The following VAT1L variants were observed in gnomAD, a reference collection of about 807,000 sequenced individuals.
The protein encoded by VAT1L is vesicle amine transport 1 like, also known as putative NADPH-dependent quinone oxidoreductase VAT1L.
VAT1L carries 34 observed loss-of-function variants against 44.1 expected under a neutral mutation model. The ratio of observed to expected loss-of-function variants is 0.77; its 90% CI spans 0.59 to 1.03. The LOEUF (loss-of-function observed/expected upper bound fraction) is 1.03. Among genes scored for constraint, VAT1L ranks in the 50% least tolerant of loss-of-function variants. The pLI, the probability that VAT1L is intolerant of heterozygous loss-of-function variation, is 0.00. For missense variants in VAT1L, 615 were observed against 538.8 expected, an observed-to-expected ratio of 1.14 and a Z score of -1.40; for synonymous variants, 253 against 202.2, an observed-to-expected ratio of 1.25 and a Z score of -2.13.
intron 3 of VAT1L, among the ~76,000 whole-genome samples, chr16:77,860,288 G>C (rs1567490290): frequency 6.6e-6 from 1 of 152,174 alleles, no homozygotes. Flanking sequence ...AACTCATTCA[G>C]AGATGGCCAC....
chr16:77,879,090 A>G lies in VAT1L; in HGVS notation c.827-79A>G. The stretch of plus-strand genomic sequence containing the variant: ...GATTTCTCCAGTTCCGGACCAAACA[A>G]TTGCCATTTTTTTCATGCATAACAA... On this transcript the variant is annotated intron_variant, in intron 5 of 8. Coordinates refer to ENST00000302536, the MANE Select transcript of VAT1L (RefSeq NM_020927.3). This position sits in a 1 kb window ranked among gnomAD's most constrained non-coding sequence, Gnocchi z 4.1. 1 of 1,472,484 alleles carries G rather than the reference A, an allele frequency of 6.8e-7. No individual in the cohort carries two copies. The highest frequency in any genetic ancestry group is 9.5e-7 in the Non-Finnish European group (1 of 1,054,488). The allele number at this position is 1,472,484 out of a possible 1,614,324, so 91.2% of individuals were successfully genotyped here. A position where few individuals can be genotyped will look rare whatever the true frequency, so the allele number is the denominator to read the frequency against.
chr16:77,826,920 T>C (rs1205437958), intron 3 of VAT1L, among the ~76,000 whole-genome samples: 1 of 152,032 alleles, frequency 6.6e-6, no homozygotes, highest in Non-Finnish European at 1.5e-5. Context: ...TCACTGGAGG[T>C]TTTGCTAGCA....
intron 3 of VAT1L, among the ~76,000 whole-genome samples, chr16:77,855,236 A>G (rs1166885406): frequency 4.0e-5 from 6 of 151,808 alleles, no homozygotes; most frequent in Non-Finnish European, 8.8e-5. Context: ...GCTACTCAGG[A>G]GGCTGAGGCA....
chr16:77,936,598 G>A (rs1341010040), intron 7 of VAT1L, among the ~76,000 whole-genome samples: 2 of 152,170 alleles, frequency 1.3e-5, no homozygotes, highest in African/African-American at 4.8e-5. Flanking sequence ...AGGAAAAAAA[G>A]GGGAAACAGA....
chr16:77,813,308 A>C (rs1334596320), intron 1 of VAT1L, among the ~76,000 whole-genome samples: 1 of 152,208 alleles, frequency 6.6e-6, no homozygotes, highest in Non-Finnish European at 1.5e-5. Context: ...CTGAAGAAAA[A>C]AAAGTAGAGT....
intron 2 of VAT1L, among the ~76,000 whole-genome samples, chr16:77,822,254 C>T (rs2016464064): frequency 6.6e-6 from 1 of 152,174 alleles, no homozygotes; most frequent in African/African-American, 2.4e-5. Context: ...CCTGCCTCAG[C>T]CTCCCAAATA....
At chr16:77,825,175 G>A in intron 2 of VAT1L, 71 bp from the exon 3 acceptor site, 24 of 1,566,204 alleles carry the variant, frequency 1.5e-5, no homozygotes, top group Non-Finnish European at 2.1e-5. Context: ...CCAGCTCCCA[G>A]TAATTCTGTT....
chr16:77,865,353 A>T (rs1386937815), intron 4 of VAT1L, among the ~76,000 whole-genome samples: 1 of 152,066 alleles, frequency 6.6e-6, no homozygotes, highest in Non-Finnish European at 1.5e-5. Flanking sequence ...TGTTTCTTTG[A>T]CTTCCTTACG....
intron 3 of VAT1L, among the ~76,000 whole-genome samples, chr16:77,838,008 A>T (rs931691818): frequency 6.6e-6 from 1 of 152,200 alleles, no homozygotes; most frequent in African/African-American, 2.4e-5. Context: ...AGCCGATCTC[A>T]TCTCCCTTGG....
chr16:77,883,582 G>A (rs778120715), intron 6 of VAT1L, among the ~76,000 whole-genome samples: 14 of 152,100 alleles, frequency 9.2e-5, no homozygotes, highest in Non-Finnish European at 1.6e-4. Flanking sequence ...TGCATCCCTG[G>A]CTTCCACCCA....
chr16:77,946,704 T>A (rs1019549411), intron 7 of VAT1L, among the ~76,000 whole-genome samples: 4 of 152,236 alleles, frequency 2.6e-5, no homozygotes, highest in African/African-American at 9.6e-5. Context: ...AAGATGTGAC[T>A]TCAATTGATT....
At chr16:77,926,735 C>T (rs76732874) in intron 7 of VAT1L, among the ~76,000 whole-genome samples, 697 of 152,302 alleles carry the variant, frequency 4.6e-3, no homozygotes, top group Non-Finnish European at 7.3e-3. Context: ...AATGACTCTT[C>T]TGAGCAAATC....
intron 3 of VAT1L, among the ~76,000 whole-genome samples, chr16:77,859,618 A>G (rs2016895645): frequency 6.6e-6 from 1 of 152,232 alleles, no homozygotes; most frequent in Non-Finnish European, 1.5e-5. Context: ...TTTTGGAAAC[A>G]GCCAGGTCAG....
intron 4 of VAT1L, among the ~76,000 whole-genome samples, chr16:77,866,636 C>T (rs545166220): frequency 6.6e-6 from 1 of 151,382 alleles, no homozygotes; most frequent in Admixed American, 6.6e-5. Context: ...GATAAAATTT[C>T]TTGAGATGAA....
At chr16:77,795,462 T>C (rs1393409802) in intron 1 of VAT1L, among the ~76,000 whole-genome samples, 2 of 152,210 alleles carry the variant, frequency 1.3e-5, no homozygotes, top group African/African-American at 2.4e-5. Context: ...TTTAATTTGC[T>C]AAAAACCAAC....
intron 7 of VAT1L, among the ~76,000 whole-genome samples, chr16:77,967,158 G>A (rs440098): frequency 0.23 from 35,095 of 151,932 alleles, 4,539 homozygotes; most frequent in South Asian, 0.32. Context: ...GAGCAGTTTG[G>A]GGTGTTGACA....
At position 77,837,846 on chromosome 16, in the gene VAT1L, A is replaced by G. The variant is rs187397616; in HGVS notation, c.579+12385A>G. ...AATGGACTTAGATGCTCCCTGGCACATAGAAAATTCAAATGTTAGCTGCTA... is the reference window on the plus strand; with the variant it reads ...AATGGACTTAGATGCTCCCTGGCACGTAGAAAATTCAAATGTTAGCTGCTA... On this transcript the variant is annotated intron_variant, in intron 3 of 8. Coordinates refer to ENST00000302536, the MANE Select transcript of VAT1L (RefSeq NM_020927.3). Among the ~76,000 whole-genome samples, 142 of 152,358 alleles carry G rather than the reference A, an allele frequency of 9.3e-4. 1 individual carries two copies. Among genetic ancestry groups the G allele is most frequent in the Non-Finnish European group, 5.1e-4 (35 of 68,030 alleles).
chr16:77,834,957 G>T (rs932611377), intron 3 of VAT1L, among the ~76,000 whole-genome samples: 3 of 152,206 alleles, frequency 2.0e-5, no homozygotes, highest in African/African-American at 7.2e-5. Context: ...ATGCTTGGGA[G>T]ACACTAAACA....
intron 7 of VAT1L, among the ~76,000 whole-genome samples, chr16:77,889,522 C>T (rs543453005): frequency 2.0e-5 from 3 of 152,284 alleles, no homozygotes; most frequent in Admixed American, 6.5e-5. Context: ...ATTGAGTCTA[C>T]AGAAGTCCTA....
Sources: allele counts gnomAD v4.1 joint callset (sites outside exome capture counted in the v4.1 genomes callset), GRCh38; gene constraint gnomAD v4.1.1; non-coding constraint Gnocchi (gnomAD v3.1); transcripts MANE v1.5; gene names NCBI Gene and HGNC (gene_info 2026-07-23, HGNC 2026-07-21).